The following FRMD4A variants were observed in gnomAD, a reference collection of about 807,000 sequenced individuals.
FRMD4A encodes FERM domain-containing protein 4A.
FRMD4A carries 29 observed loss-of-function variants against 129.1 expected under a neutral mutation model. That is an observed-to-expected ratio of 0.22 (90% CI 0.17 to 0.31). The LOEUF (loss-of-function observed/expected upper bound fraction) is 0.31. FRMD4A is among the 10% of genes least tolerant of loss of function. FRMD4A has a pLI of 1.00. For synonymous variants in FRMD4A, 634 were observed against 571.6 expected (o/e 1.11, Z -1.56); for missense variants, 1,272 against 1,375.8 (o/e 0.92, Z 1.19).
At chr10:13,701,750 A>C (rs1338987156) in intron 13 of FRMD4A, among the ~76,000 whole-genome samples, 1 of 152,216 alleles carries the variant, frequency 6.6e-6, no homozygotes, top group African/African-American at 2.4e-5. Flanking sequence ...AAGATGGGTC[A>C]TTCTAGGTCA....
At chr10:14,113,055 C>G (rs1838007228) in intron 2 of FRMD4A, among the ~76,000 whole-genome samples, 1 of 152,150 alleles carries the variant, frequency 6.6e-6, no homozygotes, top group Admixed American at 6.5e-5. Context: ...CTGGAATCCC[C>G]TACAGAGTTG....
At chr10:14,129,376 A>ATATATATG (rs1290312759) in intron 2 of FRMD4A, among the ~76,000 whole-genome samples, 2 of 108,172 alleles carry the variant, frequency 1.8e-5, no homozygotes, top group Non-Finnish European at 3.7e-5. Flanking sequence ...TGATTCATAT[A>ATATATATG]TATATATATA....
intron 2 of FRMD4A, among the ~76,000 whole-genome samples, chr10:14,314,943 T>A (rs375074268): frequency 1.0e-5 from 1 of 96,962 alleles, no homozygotes; most frequent in African/African-American, 3.3e-5. Context: ...GCGAATCTTA[T>A]ATATAGTTTT....
intron 2 of FRMD4A, among the ~76,000 whole-genome samples, chr10:14,183,941 A>C (rs1841990338): frequency 6.6e-6 from 1 of 152,160 alleles, no homozygotes; most frequent in Non-Finnish European, 1.5e-5. Flanking sequence ...TCATAAGAAC[A>C]AAGAGAAATT....
chr10:14,260,980 G>A (rs963753635), intron 2 of FRMD4A, among the ~76,000 whole-genome samples: 5 of 152,166 alleles, frequency 3.3e-5, no homozygotes, highest in African/African-American at 1.2e-4. Context: ...GGTAAAATGA[G>A]TGTGTGGAGG....
intron 2 of FRMD4A, among the ~76,000 whole-genome samples, chr10:14,163,968 G>A (rs543218960): frequency 6.6e-6 from 1 of 152,282 alleles, no homozygotes; most frequent in Admixed American, 6.5e-5. Context: ...CCCGAGGCGT[G>A]GCTACCCAGC....
At chr10:14,240,960 A>C (rs1421496676) in intron 2 of FRMD4A, among the ~76,000 whole-genome samples, 1 of 151,818 alleles carries the variant, frequency 6.6e-6, no homozygotes, top group African/African-American at 2.4e-5. Flanking sequence ...CAGATGCATC[A>C]GCAGAACCAG....
chr10:14,125,800 C>A (rs892845509), intron 2 of FRMD4A, among the ~76,000 whole-genome samples: 3 of 152,098 alleles, frequency 2.0e-5, no homozygotes, highest in Non-Finnish European at 2.9e-5. Context: ...AACTTCCAGG[C>A]TGATAAGGAG....
chr10:14,008,196 G>GTGTGTGTGTGTA (rs1326116189), intron 2 of FRMD4A: 2 of 1,221,958 alleles, frequency 1.6e-6, no homozygotes, highest in African/African-American at 3.1e-5. Context: ...GTGTGTGTGT[G>GTGTGTGTGTGTA]TGTGTGTGTG....
chr10:14,085,358 G>A (rs994632507), intron 2 of FRMD4A, among the ~76,000 whole-genome samples: 1 of 152,144 alleles, frequency 6.6e-6, no homozygotes, highest in Non-Finnish European at 1.5e-5. Flanking sequence ...GGGTTTCCAC[G>A]AGCCGATGGA....
At chr10:14,294,369 G>A (rs1845942771) in intron 2 of FRMD4A, among the ~76,000 whole-genome samples, 1 of 152,180 alleles carries the variant, frequency 6.6e-6, no homozygotes, top group African/African-American at 2.4e-5. Context: ...AAAGAAACAG[G>A]TAAACAAACA....
chr10:13,906,410 G>T (rs928082545), intron 2 of FRMD4A, among the ~76,000 whole-genome samples: 12 of 152,162 alleles, frequency 7.9e-5, no homozygotes, highest in African/African-American at 2.7e-4. Context: ...TGTAACTTTA[G>T]GCTAATGAGT....
At chr10:13,649,565 T>TATTTTTTCCAAATGAAGCTGGAGGA (rs1331413935) in intron 24 of FRMD4A, 1 of 91,132 alleles carries the variant, frequency 1.1e-5, no homozygotes. Context: ...GGAAAAGATG[T>TATTTTTTCCAAATGAAGCTGGAGGA]AAAGATGTAT....
intron 2 of FRMD4A, among the ~76,000 whole-genome samples, chr10:13,978,072 C>G (rs1023341926): frequency 6.6e-6 from 1 of 152,226 alleles, no homozygotes; most frequent in South Asian, 2.1e-4. Flanking sequence ...AACTGCCAGA[C>G]AGTTTTCCAA....
chr10:14,075,314 A>G (rs892409250), intron 2 of FRMD4A, among the ~76,000 whole-genome samples: 1 of 152,234 alleles, frequency 6.6e-6, no homozygotes, highest in Non-Finnish European at 1.5e-5. Context: ...CTTAACACCT[A>G]ATGGATCCAG....
chr10:13,666,867 C>T (rs6602674), intron 17 of FRMD4A, among the ~76,000 whole-genome samples: 122,824 of 150,668 alleles, frequency 0.82, 50,196 homozygotes, highest in East Asian at 0.86. Context: ...TTTCCCTGTA[C>T]CCCCACTCAC....
chr10:14,255,022 A>C (rs1005414110), intron 2 of FRMD4A, among the ~76,000 whole-genome samples: 2 of 152,186 alleles, frequency 1.3e-5, no homozygotes, highest in African/African-American at 4.8e-5. Flanking sequence ...CCCATCAAGC[A>C]AACTCTACCA....
chr10:14,185,623 T>C (rs983500307), intron 2 of FRMD4A, among the ~76,000 whole-genome samples: 8 of 150,476 alleles, frequency 5.3e-5, no homozygotes, highest in African/African-American at 1.7e-4. Flanking sequence ...AGGGGATATA[T>C]ACTTCATGGT....
intron 12 of FRMD4A, among the ~76,000 whole-genome samples, chr10:13,734,457 C>G (rs2090506439): frequency 1.3e-5 from 2 of 152,162 alleles, no homozygotes; most frequent in Admixed American, 6.5e-5. Flanking sequence ...GGCCCCAGCC[C>G]CCTCACCAAC....
Sources: gnomAD v4.1 joint callset for allele counts (sites outside exome capture counted in the v4.1 genomes callset) on GRCh38, gnomAD v4.1.1 for gene constraint, MANE v1.5 for transcripts, NCBI Gene and HGNC (gene_info 2026-07-23, HGNC 2026-07-21) for gene names.